MLIP: variants seen among roughly 807,000 people sequenced by gnomAD.
The protein encoded by MLIP is muscular LMNA-interacting protein.
MLIP carries 79 observed loss-of-function variants against 84.8 expected under a neutral mutation model. The ratio of observed to expected loss-of-function variants is 0.93; its 90% CI spans 0.78 to 1.12. The LOEUF (loss-of-function observed/expected upper bound fraction) is 1.12. Among genes scored for constraint, MLIP ranks in the 50% most tolerant of loss-of-function variants. The pLI is 0.00. For missense variants in MLIP, 1,257 were observed against 1,160.6 expected, an observed-to-expected ratio of 1.08 and a Z score of -1.21; for synonymous variants, 504 against 463.0, an observed-to-expected ratio of 1.09 and a Z score of -1.14.
At chr6:54,107,588 G>A (rs1002262388), upstream of MLIP, among the ~76,000 whole-genome samples, 1 of 152,192 alleles carries the variant, frequency 6.6e-6, no homozygotes, top group Non-Finnish European at 1.5e-5. Context: ...GGACCTAGGA[G>A]TGCAGGAGCT....
intron 9 of MLIP, among the ~76,000 whole-genome samples, chr6:54,171,376 T>A (rs895476518): frequency 2.0e-5 from 3 of 151,606 alleles, no homozygotes; most frequent in African/African-American, 7.3e-5. Flanking sequence ...TCGTTTCCTA[T>A]GTAAGAAGCT....
intron 12 of MLIP, among the ~76,000 whole-genome samples, chr6:54,234,785 G>T (rs1248580403): frequency 6.6e-6 from 1 of 152,138 alleles, no homozygotes; most frequent in Non-Finnish European, 1.5e-5. Context: ...GGGATAATAT[G>T]CACATTCTAA....
At chr6:54,038,508 G>C (rs959842186) in intron 1 of MLIP, among the ~76,000 whole-genome samples, 1 of 151,742 alleles carries the variant, frequency 6.6e-6, no homozygotes, top group African/African-American at 2.4e-5. Context: ...TTCTTTACTA[G>C]AATAATTTAT....
intron 12 of MLIP, among the ~76,000 whole-genome samples, chr6:54,233,327 T>C (rs1262111176): frequency 6.6e-6 from 1 of 152,078 alleles, no homozygotes; most frequent in Non-Finnish European, 1.5e-5. Context: ...ATCCCTCTCC[T>C]AGCCCCCCAC....
At chr6:54,251,712 T>A (rs1170173309) in intron 12 of MLIP, among the ~76,000 whole-genome samples, 1 of 103,938 alleles carries the variant, frequency 9.6e-6, no homozygotes, top group Admixed American at 1.4e-4. Flanking sequence ...ATATGATACA[T>A]ATATATTATA....
intron 1 of MLIP, among the ~76,000 whole-genome samples, chr6:54,079,149 A>T (rs1402142973): frequency 6.6e-6 from 1 of 152,190 alleles, no homozygotes; most frequent in African/African-American, 2.4e-5. Context: ...TAATATACTG[A>T]AGCAGGATCT....
intron 1 of MLIP, among the ~76,000 whole-genome samples, chr6:54,021,068 A>T (rs1164211978): frequency 6.6e-6 from 1 of 152,226 alleles, no homozygotes; most frequent in South Asian, 2.1e-4. Flanking sequence ...GGTTTCCAAT[A>T]AAAGTTATTT....
chr6:54,105,771 T>G (rs1277935239), intron 1 of MLIP, among the ~76,000 whole-genome samples: 1 of 152,130 alleles, frequency 6.6e-6, no homozygotes, highest in Non-Finnish European at 1.5e-5. Context: ...GAAGGCATGG[T>G]AACCATCTTG....
chr6:54,238,988 C>T (rs901457043), intron 12 of MLIP, among the ~76,000 whole-genome samples: 2 of 152,156 alleles, frequency 1.3e-5, no homozygotes, highest in African/African-American at 4.8e-5. Context: ...GATTTCTTCA[C>T]ATGTACTATG....
intron 1 of MLIP, among the ~76,000 whole-genome samples, chr6:54,092,372 G>A (rs1260752624): frequency 6.6e-6 from 1 of 152,028 alleles, no homozygotes; most frequent in Non-Finnish European, 1.5e-5. Flanking sequence ...AGAAAGTTTT[G>A]CCCCTTTTAT....
chr6:54,063,757 G>GTGTGTGTGT (rs1766113031), intron 1 of MLIP, among the ~76,000 whole-genome samples: 1 of 130,498 alleles, frequency 7.7e-6, no homozygotes, highest in South Asian at 2.5e-4. Flanking sequence ...TGTGTGTGTG[G>GTGTGTGTGT]TGCCTTTCTT....
chr6:54,255,840 C>T (rs1054748238), intron 12 of MLIP, among the ~76,000 whole-genome samples: 6 of 152,090 alleles, frequency 3.9e-5, no homozygotes, highest in African/African-American at 7.2e-5. Context: ...GAAGGTTGGA[C>T]GTTTGACATT....
intron 11 of MLIP, among the ~76,000 whole-genome samples, chr6:54,213,728 A>ATAAC: frequency 2.5e-5 from 1 of 40,806 alleles, no homozygotes; most frequent in Admixed American, 2.8e-4. Flanking sequence ...AAAAAAAAAA[A>ATAAC]AAAAAAAACA....
chr6:54,157,806 C>G (rs899916697), intron 5 of MLIP, among the ~76,000 whole-genome samples: 1 of 152,034 alleles, frequency 6.6e-6, no homozygotes, highest in Admixed American at 6.6e-5. Flanking sequence ...CCAATCATTT[C>G]TCATGATTAA....
chr6:54,084,232 T>C (rs1308296064), intron 1 of MLIP, among the ~76,000 whole-genome samples: 2 of 152,168 alleles, frequency 1.3e-5, no homozygotes, highest in African/African-American at 2.4e-5. Context: ...ACTCTTTAGT[T>C]GAAGCTTAGG....
chr6:54,134,794 C>G (rs955689534), intron 3 of MLIP, among the ~76,000 whole-genome samples: 2 of 151,958 alleles, frequency 1.3e-5, no homozygotes, highest in Non-Finnish European at 2.9e-5. Context: ...TATTTGGAAA[C>G]AGCAGAACTG....
At chr6:54,156,152 A>C (rs989986929) in intron 5 of MLIP, among the ~76,000 whole-genome samples, 4 of 152,114 alleles carry the variant, frequency 2.6e-5, no homozygotes, top group African/African-American at 9.7e-5. Context: ...ACGATAGAAA[A>C]AGAAGCTACT....
At chr6:54,023,014 A>G (rs544931531) in intron 1 of MLIP, among the ~76,000 whole-genome samples, 1 of 151,938 alleles carries the variant, frequency 6.6e-6, no homozygotes, top group South Asian at 2.1e-4. Flanking sequence ...AAAAATACAA[A>G]AAATTAGCCG....
chr6:54,200,607 G>GT (rs869066493), intron 10 of MLIP, among the ~76,000 whole-genome samples: 10 of 76,608 alleles, frequency 1.3e-4, no homozygotes, highest in African/African-American at 5.1e-4. Context: ...CTGCCTGGAC[G>GT]TTTTTTTTTT....
Sources: gnomAD v4.1 joint callset for allele counts (sites outside exome capture counted in the v4.1 genomes callset) on GRCh38, gnomAD v4.1.1 for gene constraint, MANE v1.5 for transcripts, NCBI Gene and HGNC (gene_info 2026-07-23, HGNC 2026-07-21) for gene names.